LRRTM4: variants seen among roughly 807,000 people sequenced by gnomAD.
The protein encoded by LRRTM4 is leucine-rich repeat transmembrane neuronal protein 4.
A neutral mutation model predicts 47.6 loss-of-function variants in LRRTM4; 25 were observed. The ratio of observed to expected loss-of-function variants is 0.53; its 90% CI spans 0.38 to 0.73. The LOEUF is 0.73. Ranked by LOEUF, LRRTM4 falls within the 30% of genes least tolerant of loss-of-function variation. The pLI is 0.00. For synonymous variants in LRRTM4, 311 were observed against 269.5 expected (o/e 1.15, Z -1.51); for missense variants, 638 against 713.4 (o/e 0.89, Z 1.20).
At chr2:76,871,053 C>T (rs1033104496) in intron 3 of LRRTM4, among the ~76,000 whole-genome samples, 1 of 152,200 alleles carries the variant, frequency 6.6e-6, no homozygotes, top group Non-Finnish European at 1.5e-5. Flanking sequence ...AGTATGATGT[C>T]TATTATAAAA....
intron 3 of LRRTM4, among the ~76,000 whole-genome samples, chr2:76,766,732 A>G (rs760753471): frequency 6.6e-6 from 1 of 152,024 alleles, no homozygotes; most frequent in African/African-American, 2.4e-5. Context: ...ACCTGTGGCA[A>G]TTTTCCTCCT....
chr2:77,267,723 T>C (rs915127353), intron 3 of LRRTM4, among the ~76,000 whole-genome samples: 2 of 152,170 alleles, frequency 1.3e-5, no homozygotes, highest in African/African-American at 4.8e-5. Context: ...AATGCTCCTT[T>C]CAAGTTCAAA....
chr2:76,841,876 A>T (rs940281264), intron 3 of LRRTM4, among the ~76,000 whole-genome samples: 1 of 152,182 alleles, frequency 6.6e-6, no homozygotes, highest in Non-Finnish European at 1.5e-5. Flanking sequence ...CAAATCTGAA[A>T]AAACTAGAGA....
At chr2:76,918,215 T>A (rs543403292) in intron 3 of LRRTM4, among the ~76,000 whole-genome samples, 1 of 152,352 alleles carries the variant, frequency 6.6e-6, no homozygotes, top group Non-Finnish European at 1.5e-5. Context: ...GCTTTCTTAA[T>A]CCATTTATGA....
At chr2:77,376,708 C>T (rs1003634835) in intron 3 of LRRTM4, among the ~76,000 whole-genome samples, 1 of 151,798 alleles carries the variant, frequency 6.6e-6, no homozygotes, top group African/African-American at 2.4e-5. Flanking sequence ...AATTTATCAA[C>T]TATCATGATT....
At chr2:77,153,439 T>C (rs1672480929) in intron 3 of LRRTM4, among the ~76,000 whole-genome samples, 1 of 152,176 alleles carries the variant, frequency 6.6e-6, no homozygotes, top group Admixed American at 6.5e-5. Context: ...TACTAACACA[T>C]GCAAATTTAA....
Position 77,508,341 on chromosome 2 carries a change from G to A in LRRTM4, c.1551+9977C>T, listed in dbSNP as rs546850421. On this transcript the variant is annotated intron_variant, in intron 3 of 3. Coordinates refer to ENST00000409884, the MANE Select transcript of LRRTM4 (RefSeq NM_001134745.3). ...ACATCCCTGTGATCCTCCAGTCAGAGTAAGGGCTCGTAGAGGACAAGTGAT... is the reference window on the plus strand; with the variant it reads ...ACATCCCTGTGATCCTCCAGTCAGAATAAGGGCTCGTAGAGGACAAGTGAT... Among the ~76,000 whole-genome samples the A allele has an allele frequency of 7.9e-5, 12 of 152,234 alleles. No homozygotes were observed. In the East Asian group the frequency reaches 2.3e-3, roughly 29 times the overall value.
Position 77,200,657 on chromosome 2 carries a change from A to AT in LRRTM4, c.1551+317660dup, listed in dbSNP as rs558146376. Among the ~76,000 whole-genome samples the AT allele has an allele frequency of 1.2e-4, 19 of 152,094 alleles. No individual in the cohort carries two copies. In the East Asian group the frequency reaches 2.5e-3, roughly 20 times the overall value. ...CAGTAAAATATAATCTTCACTCATT[A>AT]TTTTTTTCACAAGCTACAGCTCACT... On this transcript the variant is annotated intron_variant, in intron 3 of 3. Transcript: ENST00000409884.
intron 3 of LRRTM4, among the ~76,000 whole-genome samples, chr2:77,325,539 G>T (rs2104237526): frequency 6.6e-6 from 1 of 152,264 alleles, no homozygotes; most frequent in Middle Eastern, 3.4e-3. Flanking sequence ...AGAGAGTAGT[G>T]TGAGAGAACG....
At chr2:77,322,993 C>A (rs542099347) in intron 3 of LRRTM4, among the ~76,000 whole-genome samples, 1 of 152,008 alleles carries the variant, frequency 6.6e-6, no homozygotes, top group African/African-American at 2.4e-5. Context: ...TGTTATCCAT[C>A]CAACATTTAT....
At chr2:76,915,578 T>A (rs1184605366) in intron 3 of LRRTM4, among the ~76,000 whole-genome samples, 1 of 152,156 alleles carries the variant, frequency 6.6e-6, no homozygotes, top group Non-Finnish European at 1.5e-5. Context: ...CTTAAGTAAA[T>A]CTGAATGTTT....
chr2:77,400,138 A>C (rs1445190321), intron 3 of LRRTM4, among the ~76,000 whole-genome samples: 1 of 151,786 alleles, frequency 6.6e-6, no homozygotes, highest in Non-Finnish European at 1.5e-5. Context: ...GATTCCACAT[A>C]TTTATATGTC....
chr2:77,055,219 T>TAC (rs1679562973), intron 3 of LRRTM4, among the ~76,000 whole-genome samples: 1 of 152,166 alleles, frequency 6.6e-6, no homozygotes, highest in East Asian at 1.9e-4. Flanking sequence ...GGCTGCTGGA[T>TAC]ACCTGATGAA....
At chr2:77,060,839 T>G (rs1464674119) in intron 3 of LRRTM4, among the ~76,000 whole-genome samples, 1 of 152,060 alleles carries the variant, frequency 6.6e-6, no homozygotes, top group Non-Finnish European at 1.5e-5. Flanking sequence ...GTAGAAAAAT[T>G]CATGGAAACA....
intron 3 of LRRTM4, among the ~76,000 whole-genome samples, chr2:77,208,236 A>G (rs1046474845): frequency 1.3e-5 from 2 of 152,094 alleles, no homozygotes; most frequent in African/African-American, 4.8e-5. Context: ...CAATTGAATC[A>G]ACAATCACGT....
chr2:76,796,909 T>C (rs1573121200), intron 3 of LRRTM4, among the ~76,000 whole-genome samples: 1 of 151,852 alleles, frequency 6.6e-6, no homozygotes, highest in South Asian at 2.1e-4. Flanking sequence ...AAGGGAAGTT[T>C]AGAGAAAAAA....
chr2:77,040,821 T>C (rs1445806758), intron 3 of LRRTM4, among the ~76,000 whole-genome samples: 1 of 151,490 alleles, frequency 6.6e-6, no homozygotes, highest in African/African-American at 2.4e-5. Flanking sequence ...ACGATAATTA[T>C]ACATATTGAT....
At chr2:77,406,056 C>A (rs1203296580) in intron 3 of LRRTM4, among the ~76,000 whole-genome samples, 2 of 152,052 alleles carry the variant, frequency 1.3e-5, no homozygotes, top group Non-Finnish European at 2.9e-5. Flanking sequence ...TGAACAAAAT[C>A]CCCATGTCAA....
In LRRTM4 at chr2:77,120,893, T is replaced by C. The variant is rs114318463; in HGVS notation, c.1552-371977A>G. ...TCTCTGACAATCTGAGAACATATAA[T>C]TTAATTTGGCTTTATACAGCAGTCT... On this transcript the variant is annotated intron_variant, in intron 3 of 3. Coordinates refer to ENST00000409884, the MANE Select transcript of LRRTM4 (RefSeq NM_001134745.3). 4.9e-3 allele frequency among the ~76,000 whole-genome samples: 741 copies of C among 151,956 alleles called. 8 individuals carry two copies. The highest frequency in any genetic ancestry group is 0.017 in the African/African-American group (710 of 41,528).
Sources: gnomAD v4.1 joint callset for allele counts (sites outside exome capture counted in the v4.1 genomes callset) on GRCh38, gnomAD v4.1.1 for gene constraint, MANE v1.5 for transcripts, NCBI Gene and HGNC (gene_info 2026-07-23, HGNC 2026-07-21) for gene names.